Variants in HERC2 observed in about 807,000 individuals in gnomAD.
HERC2 encodes the protein HECT and RLD domain containing E3 ubiquitin protein ligase 2, also known as E3 ubiquitin-protein ligase HERC2.
A neutral mutation model predicts 537.7 loss-of-function variants in HERC2; 102 were observed. The ratio of observed to expected loss-of-function variants is 0.19; its 90% confidence interval spans 0.16 to 0.22. The LOEUF (loss-of-function observed/expected upper bound fraction) is 0.22. HERC2 is among the 10% of genes least tolerant of loss of function. The pLI is 1.00. For synonymous variants in HERC2, 2,224 were observed against 2,466.2 expected (o/e 0.90, Z 2.91); for missense variants, 4,236 against 6,198.2 (o/e 0.68, Z 10.63).
chr15:28,237,503 TTAG>T (rs1390246947), intron 25 of HERC2, among the ~76,000 whole-genome samples: 3 of 152,242 alleles, frequency 2.0e-5, no homozygotes, highest in African/African-American at 7.2e-5. Context: ...ATGACAAGTA[TTAG>T]TGGACTGTGA....
chr15:28,248,843 C>A, intron 20 of HERC2, 107 bp from the exon 21 acceptor site: 1 of 862,898 alleles, frequency 1.2e-6, no homozygotes. Flanking sequence ...ACAGATCATA[C>A]ATGATGACCT....
intron 16 of HERC2, 61 bp from the exon 17 acceptor site, chr15:28,257,322 AG>A: frequency 7.0e-7 from 1 of 1,421,374 alleles, no homozygotes; most frequent in Non-Finnish European, 9.8e-7. Flanking sequence ...TCTGCTCCAC[AG>A]GAGTCACCAG....
intron 70 of HERC2, among the ~76,000 whole-genome samples, chr15:28,149,263 G>C (rs377680353): frequency 6.8e-6 from 1 of 146,042 alleles, no homozygotes; most frequent in Non-Finnish European, 1.5e-5. Flanking sequence ...ACACGAACAC[G>C]TGTTCTAGTA....
chr15:28,232,720 C>A (rs559466844), intron 30 of HERC2, among the ~76,000 whole-genome samples: 80 of 152,250 alleles, frequency 5.3e-4, no homozygotes, highest in Non-Finnish European at 1.1e-3. Flanking sequence ...AAATGTAACT[C>A]TTTTAGCTTG....
rs773179767 is a variant in HERC2, at chr15:28,256,210, A to G, written c.2625T>C (p.Ser875=). The G allele has an allele frequency of 3.1e-6, 5 of 1,600,408 alleles. No homozygotes were observed. Among genetic ancestry groups the G allele is most frequent in the Non-Finnish European group, 4.2e-6 (5 of 1,179,892 alleles). The change falls in exon 18 of 93, where the codon AGT becomes AGC. Residue 875 remains serine, a synonymous_variant. Transcript: ENST00000261609. ...LKQTVVTLAS[S]AGVLSTVQSA... is the part of the protein sequence containing the mutation. ...ACTGCACGGTGCTCAGCACGCCCGC[A>G]CTGCTGGCCAGGGTCACCACCGTCT...
intron 47 of HERC2, among the ~76,000 whole-genome samples, 187 bp from the exon 48 acceptor site, chr15:28,201,741 C>T (rs1342738268): frequency 2.0e-5 from 3 of 152,124 alleles, no homozygotes; most frequent in Non-Finnish European, 4.4e-5. Flanking sequence ...ATCTCAAAAG[C>T]TACAAGTATA....
intron 69 of HERC2, among the ~76,000 whole-genome samples, chr15:28,162,831 C>T (rs1893748084): frequency 6.6e-6 from 1 of 152,196 alleles, no homozygotes; most frequent in Admixed American, 6.5e-5. Context: ...GCAGAGCTTG[C>T]AGTGAGTCGA....
chr15:28,228,546 T>G (rs983113929), intron 34 of HERC2, 137 bp from the exon 35 acceptor site: 5 of 824,772 alleles, frequency 6.1e-6, no homozygotes, highest in African/African-American at 1.7e-5. Flanking sequence ...GATGCAAGAA[T>G]AAACGTAACG....
At chr15:28,232,459 G>A (rs1003266891) in intron 30 of HERC2, among the ~76,000 whole-genome samples, 3 of 151,852 alleles carry the variant, frequency 2.0e-5, no homozygotes, top group Non-Finnish European at 2.9e-5. Flanking sequence ...TGAGGCAGGG[G>A]AATCGTTTGA....
intron 83 of HERC2, among the ~76,000 whole-genome samples, chr15:28,126,155 GTATGGATGTGGTGAAAAGGGAACACTTA>G (rs1889459117): frequency 1.3e-5 from 2 of 152,174 alleles, no homozygotes; most frequent in South Asian, 4.1e-4. Flanking sequence ...ATAGATGTTG[GTATGGATGTGGTGAAAAGGGAACACTTA>G]TACTGCTGGT....
intron 56 of HERC2, among the ~76,000 whole-genome samples, chr15:28,183,615 A>C (rs1234802263): frequency 6.6e-6 from 1 of 152,224 alleles, no homozygotes; most frequent in Non-Finnish European, 1.5e-5. Context: ...GTCTGATGCC[A>C]GGTGCTAAGG....
intron 3 of HERC2, among the ~76,000 whole-genome samples, chr15:28,293,350 A>T (rs1490080785): frequency 6.6e-6 from 1 of 151,970 alleles, no homozygotes; most frequent in Non-Finnish European, 1.5e-5. Context: ...AAAATTAGCC[A>T]GCCGTGGTGG....
intron 69 of HERC2, among the ~76,000 whole-genome samples, chr15:28,154,829 A>G (rs1054680416): frequency 1.1e-4 from 17 of 152,012 alleles, no homozygotes; most frequent in African/African-American, 3.6e-4. Flanking sequence ...GGTTTGTTAC[A>G]TATGTACACA....
chr15:28,287,373 A>C (rs1285655203), intron 4 of HERC2, among the ~76,000 whole-genome samples: 3 of 152,162 alleles, frequency 2.0e-5, no homozygotes, highest in Admixed American at 2.0e-4. Context: ...CGGTTCTGCG[A>C]AAGCTCTGTA....
chr15:28,115,307 C>G, intron 89 of HERC2, 122 bp downstream of exon 89: 1 of 491,574 alleles, frequency 2.0e-6, no homozygotes, highest in Non-Finnish European at 3.6e-6. Flanking sequence ...CCACAGCCAA[C>G]AGCCTCTGCG....
Position 28,270,771 on chromosome 15 carries a change from A to G in HERC2, c.1181T>C (p.Val394Ala). 1 of 1,613,858 alleles carries G rather than the reference A, an allele frequency of 6.2e-7. No homozygotes were observed. Among genetic ancestry groups the G allele is most frequent in the Middle Eastern group, 1.7e-4 (1 of 6,056 alleles). ...ACGGTCTAAATGGGCCATGACAACA[A>G]CCGCCGTTTGTCGCAGATCAATGGC... Reference protein sequence around the residue: ...ELAIDLRQTAVVVMAHLDRLA... With the variant: ...ELAIDLRQTAAVVMAHLDRLA... The change falls in exon 10 of 93, where the codon GTT (valine) becomes GCT (alanine). Residue 394 changes from valine to alanine, a missense_variant. By Grantham distance (64) the Val-to-Ala change is moderately conservative (BLOSUM62 0). Around this residue, in one of 27 missense-constraint regions of HERC2, gnomAD observed 491 missense variants for 559.3 expected, o/e 0.88. Coordinates refer to ENST00000261609, the MANE Select transcript of HERC2 (RefSeq NM_004667.6).
intron 38 of HERC2, among the ~76,000 whole-genome samples, chr15:28,217,468 C>G (rs1258762879): frequency 2.6e-5 from 4 of 152,154 alleles, no homozygotes; most frequent in Non-Finnish European, 5.9e-5. Flanking sequence ...CACTAATACA[C>G]GCATGCTCTC....
At chr15:28,206,605 G>A (rs1462478684) in intron 44 of HERC2, among the ~76,000 whole-genome samples, 6 of 151,596 alleles carry the variant, frequency 4.0e-5, no homozygotes, top group Non-Finnish European at 2.9e-5. Context: ...AGGCCAAGGC[G>A]GGTGGATCAC....
chr15:28,148,690 G>A (rs1313413906), intron 70 of HERC2, among the ~76,000 whole-genome samples: 2 of 150,906 alleles, frequency 1.3e-5, no homozygotes, highest in Non-Finnish European at 2.9e-5. Context: ...AGAAACACAT[G>A]CGGCTTCTAA....
Sources: gnomAD v4.1 joint callset for allele counts (sites outside exome capture counted in the v4.1 genomes callset) on GRCh38, gnomAD v4.1.1 for gene constraint, gnomAD v4.1.1 regional missense constraint, MANE v1.5 for transcripts, NCBI Gene and HGNC (gene_info 2026-07-23, HGNC 2026-07-21) for gene names.